The following SEMA3A variants were observed in gnomAD, a reference collection of about 807,000 sequenced individuals.
SEMA3A encodes the protein semaphorin 3A, also known as semaphorin-3A.
A neutral mutation model predicts 97.9 loss-of-function variants in SEMA3A; 29 were observed. That is an observed-to-expected ratio of 0.30 (90% CI 0.22 to 0.40). The LOEUF (loss-of-function observed/expected upper bound fraction) is 0.40, where lower values mean the gene tolerates loss of function less well. Ranked by LOEUF, SEMA3A falls within the 10% of genes least tolerant of loss-of-function variation. The pLI, the probability that SEMA3A is intolerant of heterozygous loss-of-function variation, is 1.00. For missense variants in SEMA3A, 763 were observed against 951.3 expected (o/e 0.80, Z 2.60); for synonymous variants, 321 against 323.7 (o/e 0.99, Z 0.09).
intron 3 of SEMA3A, among the ~76,000 whole-genome samples, chr7:84,236,422 G>C (rs995953985): frequency 1.3e-4 from 19 of 151,962 alleles, no homozygotes; most frequent in African/African-American, 4.6e-4. Context: ...CAGTTACACA[G>C]TCATCAGTAT....
intron 1 of SEMA3A, among the ~76,000 whole-genome samples, chr7:84,467,178 G>T (rs965089038): frequency 5.9e-5 from 9 of 151,994 alleles, no homozygotes; most frequent in Admixed American, 3.3e-4. Flanking sequence ...AGGTTAAGAT[G>T]AATTAAATAT....
chr7:84,350,817 T>C (rs2116023240), intron 2 of SEMA3A, among the ~76,000 whole-genome samples: 1 of 152,264 alleles, frequency 6.6e-6, no homozygotes, highest in African/African-American at 2.4e-5. Context: ...CTCAATTGTC[T>C]TTATCTCTCA....
At chr7:84,458,270 T>A (rs116814933) in intron 1 of SEMA3A, among the ~76,000 whole-genome samples, 4,041 of 152,108 alleles carry the variant, frequency 0.027, 162 homozygotes, top group African/African-American at 0.091. Flanking sequence ...GTAAAAAGAA[T>A]ACATCTTATC....
intron 3 of SEMA3A, among the ~76,000 whole-genome samples, chr7:84,260,801 A>C (rs973399273): frequency 6.6e-6 from 1 of 152,104 alleles, no homozygotes; most frequent in Non-Finnish European, 1.5e-5. Context: ...GTCATGGATG[A>C]TATGTTGATG....
chr7:84,159,904 A>G (rs1488177424), intron 1 of SEMA3A, among the ~76,000 whole-genome samples: 2 of 152,188 alleles, frequency 1.3e-5, no homozygotes, highest in Admixed American at 1.3e-4. Flanking sequence ...GCTGTTAAAA[A>G]GCCAGAAAAC....
intron 12 of SEMA3A, among the ~76,000 whole-genome samples, chr7:83,988,584 T>C (rs1267935486): frequency 6.6e-6 from 1 of 152,182 alleles, no homozygotes; most frequent in African/African-American, 2.4e-5. Flanking sequence ...TTAACAAATT[T>C]AAGACAATCT....
intron 2 of SEMA3A, among the ~76,000 whole-genome samples, chr7:84,347,927 T>C (rs890055048): frequency 2.0e-5 from 3 of 152,156 alleles, no homozygotes; most frequent in Non-Finnish European, 2.9e-5. Context: ...TATTGGCGCA[T>C]AGATGATCAT....
chr7:84,295,566 C>T (rs1800847862), intron 3 of SEMA3A, among the ~76,000 whole-genome samples: 1 of 151,976 alleles, frequency 6.6e-6, no homozygotes, highest in African/African-American at 2.4e-5. Flanking sequence ...GCCTGCCTTT[C>T]TTTTCTCAAT....
intron 4 of SEMA3A, among the ~76,000 whole-genome samples, chr7:84,064,022 A>C (rs917838788): frequency 2.6e-5 from 4 of 152,002 alleles, no homozygotes; most frequent in Admixed American, 2.6e-4. Context: ...CCAGAGAGAA[A>C]GGTCGGGTTA....
At chr7:84,407,985 C>T (rs1015181903) in intron 1 of SEMA3A, among the ~76,000 whole-genome samples, 1 of 152,128 alleles carries the variant, frequency 6.6e-6, no homozygotes, top group African/African-American at 2.4e-5. Flanking sequence ...TAAGCATGGG[C>T]AAGGACTTCA....
chr7:83,980,361 C>T (rs527686310), intron 14 of SEMA3A, among the ~76,000 whole-genome samples: 70 of 151,896 alleles, frequency 4.6e-4, no homozygotes, highest in Admixed American at 1.3e-3. Flanking sequence ...CCTGTAATCC[C>T]TCTCAAAGGC....
At chr7:84,387,881 AATG>A (rs917766726) in intron 1 of SEMA3A, among the ~76,000 whole-genome samples, 1 of 152,152 alleles carries the variant, frequency 6.6e-6, no homozygotes, top group Non-Finnish European at 1.5e-5. Context: ...CAATCATTTT[AATG>A]ATACCATTAG....
chr7:84,200,380 A>G (rs1798324625), intron 3 of SEMA3A, among the ~76,000 whole-genome samples: 1 of 152,092 alleles, frequency 6.6e-6, no homozygotes, highest in African/African-American at 2.4e-5. Context: ...CAATTCAGGG[A>G]AAGTCTTCTA....
chr7:84,432,058 C>T (rs1191215937), intron 1 of SEMA3A, among the ~76,000 whole-genome samples: 1 of 151,800 alleles, frequency 6.6e-6, no homozygotes, highest in Admixed American at 6.6e-5. Flanking sequence ...CCCAAAATAC[C>T]ATCAGAAGTA....
intron 3 of SEMA3A, among the ~76,000 whole-genome samples, chr7:84,224,464 A>C (rs1192530218): frequency 2.0e-5 from 3 of 152,064 alleles, no homozygotes; most frequent in African/African-American, 4.8e-5. Context: ...AACACACCAA[A>C]GGGTAAGAGG....
intron 9 of SEMA3A, among the ~76,000 whole-genome samples, chr7:84,008,278 T>C (rs1242890027): frequency 6.6e-6 from 1 of 151,840 alleles, no homozygotes; most frequent in Non-Finnish European, 1.5e-5. Flanking sequence ...GATCACAAGG[T>C]CAAGAGATCG....
chr7:84,491,067 A>T (rs1331857928), intron 1 of SEMA3A, among the ~76,000 whole-genome samples: 1 of 152,134 alleles, frequency 6.6e-6, no homozygotes, highest in Non-Finnish European at 1.5e-5. Context: ...AATTAATTAA[A>T]CCTCTCATAG....
chr7:84,055,363 G>A (rs1477232376), intron 5 of SEMA3A, among the ~76,000 whole-genome samples: 2 of 152,154 alleles, frequency 1.3e-5, no homozygotes, highest in Admixed American at 6.5e-5. Flanking sequence ...GAGACTCCGT[G>A]GGCGTAGGAC....
At chr7:84,277,996 A>G (rs1800351850) in intron 3 of SEMA3A, among the ~76,000 whole-genome samples, 1 of 152,112 alleles carries the variant, frequency 6.6e-6, no homozygotes, top group Non-Finnish European at 1.5e-5. Context: ...TCAAATTTTT[A>G]TACTCTGCTT....
Sources: allele counts gnomAD v4.1 joint callset (sites outside exome capture counted in the v4.1 genomes callset), GRCh38; gene constraint gnomAD v4.1.1; transcripts MANE v1.5; gene names NCBI Gene and HGNC (gene_info 2026-07-23, HGNC 2026-07-21).